The following VPS13D variants were observed in gnomAD, a reference collection of about 807,000 sequenced individuals.
VPS13D encodes vacuolar protein sorting 13 homolog D.
VPS13D carries 187 observed loss-of-function variants against 461.9 expected under a neutral mutation model. The observed-to-expected ratio is 0.40, with a 90% CI of 0.36 to 0.46. The LOEUF is 0.46. VPS13D is among the 20% of genes least tolerant of loss of function. The pLI is 0.60. For synonymous variants in VPS13D, 1,951 were observed against 1,986.3 expected (o/e 0.98, Z 0.47); for missense variants, 4,711 against 5,364.9 (o/e 0.88, Z 3.81).
chr1:12,336,677 T>G, intron 39 of VPS13D: 1 of 152,234 alleles, frequency 6.6e-6, no homozygotes, highest in East Asian at 1.9e-4. Flanking sequence ...AAGTGGACTT[T>G]CTGTCTGCCT....
At chr1:12,412,275 G>T (rs1413358331) in intron 63 of VPS13D, among the ~76,000 whole-genome samples, 1 of 152,236 alleles carries the variant, frequency 6.6e-6, no homozygotes, top group Non-Finnish European at 1.5e-5. Context: ...GAAAATTCCA[G>T]CAGTTTTTTT....
At chr1:12,309,654 G>A (rs1411428506) in intron 27 of VPS13D, among the ~76,000 whole-genome samples, 2 of 151,274 alleles carry the variant, frequency 1.3e-5, no homozygotes. Flanking sequence ...CCCAGCTACC[G>A]GGAAGGCTGA....
intron 16 of VPS13D, 66 bp from the exon 17 acceptor site, chr1:12,270,928 T>C: frequency 2.5e-6 from 4 of 1,587,088 alleles, no homozygotes; most frequent in Non-Finnish European, 3.4e-6. Context: ...TGAGAATTGA[T>C]GTAGCACTTT....
At chr1:12,247,328 A>G (rs1245565367) in intron 5 of VPS13D, among the ~76,000 whole-genome samples, 1 of 151,856 alleles carries the variant, frequency 6.6e-6, no homozygotes, top group Non-Finnish European at 1.5e-5. Context: ...GAGGCAGGAA[A>G]GTCGCTTGAA....
Position 12,335,267 on chromosome 1 carries a change from A to C in VPS13D, c.8429-438A>C, listed in dbSNP as rs369574393. 2.7e-4 allele frequency among the ~76,000 whole-genome samples: 41 copies of C among 152,278 alleles called. 3 individuals carry two copies. The highest frequency in any genetic ancestry group is 2.1e-3 in the Admixed American group (32 of 15,302). On this transcript the variant is annotated intron_variant, in intron 38 of 69. Transcript: ENST00000620676. ...TTTTTAGTAGAGATGGGGTTTTGCT[A>C]TGTGGGCCAGGCTGGCCTCAAACTC...
chr1:12,460,410 G>T lies in VPS13D; in HGVS notation c.12662+14G>T. The T allele has an allele frequency of 6.5e-7, 1 of 1,549,744 alleles. No individual in the cohort carries two copies. The highest frequency in any genetic ancestry group is 8.7e-7 in the Non-Finnish European group (1 of 1,148,008). On this transcript the variant is annotated intron_variant, in intron 67 of 69. Transcript: ENST00000620676. ...CAGCGGCCCCAGGTCAGTGGTGTGG[G>T]AAGAATGGCTTTTGCAGTTTCCAGC...
At chr1:12,483,425 C>A (rs771486978) in intron 67 of VPS13D, among the ~76,000 whole-genome samples, 2 of 151,840 alleles carry the variant, frequency 1.3e-5, no homozygotes, top group Non-Finnish European at 2.9e-5. Flanking sequence ...AATTACATTG[C>A]GTATTCTTTG....
intron 39 of VPS13D, 24 bp from the exon 40 acceptor site, chr1:12,338,207 A>C (rs1388386654): frequency 6.3e-7 from 1 of 1,595,790 alleles, no homozygotes; most frequent in African/African-American, 1.3e-5. Flanking sequence ...CTTAGCCTCT[A>C]ACTTTGTCTC....
chr1:12,377,820 CAAAA>C (rs1193875764), intron 55 of VPS13D, among the ~76,000 whole-genome samples: 3 of 77,044 alleles, frequency 3.9e-5, no homozygotes, highest in Non-Finnish European at 2.6e-5. Context: ...AACTCCATCC[CAAAA>C]AAAAAAAAAA....
At chr1:12,447,697 C>G (rs1645210959) in intron 65 of VPS13D, among the ~76,000 whole-genome samples, 1 of 152,194 alleles carries the variant, frequency 6.6e-6, no homozygotes, top group Non-Finnish European at 1.5e-5. Flanking sequence ...TGATTATTCT[C>G]TCTGATGTCA....
At chr1:12,487,326 C>G (rs760271707) in intron 67 of VPS13D, among the ~76,000 whole-genome samples, 9 of 152,044 alleles carry the variant, frequency 5.9e-5, no homozygotes, top group Admixed American at 1.3e-4. Flanking sequence ...GCAAACAAAT[C>G]GGGTCAGGCA....
intron 67 of VPS13D, among the ~76,000 whole-genome samples, chr1:12,488,256 C>G (rs1261857424): frequency 6.6e-6 from 1 of 152,228 alleles, no homozygotes; most frequent in Non-Finnish European, 1.5e-5. Flanking sequence ...AGATGATTAA[C>G]TTTTACAAGT....
chr1:12,265,510 T>C (rs1641241665), intron 13 of VPS13D, among the ~76,000 whole-genome samples: 1 of 152,140 alleles, frequency 6.6e-6, no homozygotes, highest in Non-Finnish European at 1.5e-5. Flanking sequence ...CTGATGGACC[T>C]AGGTAAAGTA....
At chr1:12,425,355 C>T (rs938772817) in intron 65 of VPS13D, among the ~76,000 whole-genome samples, 2 of 151,938 alleles carry the variant, frequency 1.3e-5, no homozygotes, top group Non-Finnish European at 2.9e-5. Context: ...GTCAGGAATT[C>T]GAGACCAGCA....
intron 5 of VPS13D, 88 bp downstream of exon 5, chr1:12,244,705 C>A: frequency 7.8e-7 from 1 of 1,286,246 alleles, no homozygotes; most frequent in South Asian, 1.3e-5. Flanking sequence ...TCTCATTTCT[C>A]GTGGGCTCAG....
In VPS13D at chr1:12,403,827, G is replaced by T. The variant is rs1644612573; in HGVS notation, c.11884G>T (p.Val3962Leu). Residue 3962 changes from valine to leucine, a missense_variant and splice_region_variant, in exon 63 of 70, where the codon GTG becomes TTG. Transcript: ENST00000620676. Reference sequence around the variant, plus strand: ...TTTTAATTCTTCCTTTGTACCAGAGGTGGAAAAATATGATGAAAACCTCCA... The same window carrying T: ...TTTTAATTCTTCCTTTGTACCAGAGTTGGAAAAATATGATGAAAACCTCCA... Reference protein sequence around the residue: ...FFGYDQAESEVEKYDENLHEK... With the variant: ...FFGYDQAESELEKYDENLHEK... 1 of 1,595,442 alleles carries T rather than the reference G, an allele frequency of 6.3e-7. No homozygotes were observed. The highest frequency in any genetic ancestry group is 1.8e-5 in the Admixed American group (1 of 55,566).
At chr1:12,460,479 G>T in intron 67 of VPS13D, 83 bp downstream of exon 67, 1 of 1,267,352 alleles carries the variant, frequency 7.9e-7, no homozygotes, top group South Asian at 2.3e-5. Context: ...GTGTTTAATT[G>T]TGCACTTTCT....
chr1:12,311,009 T>C (rs908310825), intron 27 of VPS13D, among the ~76,000 whole-genome samples: 4 of 151,870 alleles, frequency 2.6e-5, no homozygotes, highest in African/African-American at 9.7e-5. Context: ...CTTGACTTCC[T>C]GGGCTCAAGT....
chr1:12,266,779 T>C, intron 13 of VPS13D, 102 bp from the exon 14 acceptor site: 1 of 1,064,224 alleles, frequency 9.4e-7, no homozygotes, highest in Non-Finnish European at 1.3e-6. Flanking sequence ...GGAAAAATAG[T>C]TCATCTATAA....
Sources: gnomAD v4.1 joint callset for allele counts (sites outside exome capture counted in the v4.1 genomes callset) on GRCh38, gnomAD v4.1.1 for gene constraint, MANE v1.5 for transcripts, NCBI Gene and HGNC (gene_info 2026-07-23, HGNC 2026-07-21) for gene names.